The following ATRNL1 variants were observed in gnomAD, a reference collection of about 807,000 sequenced individuals.
ATRNL1 encodes the protein attractin-like protein 1.
Under a neutral mutation model 182.7 loss-of-function variants are expected in ATRNL1, and 95 were observed. The ratio of observed to expected loss-of-function variants is 0.52; its 90% CI spans 0.44 to 0.62. The LOEUF is 0.62. Among genes scored for constraint, ATRNL1 ranks in the 20% least tolerant of loss-of-function variants. The pLI is 0.00. For missense variants in ATRNL1, 1,471 were observed against 1,679.5 expected, an observed-to-expected ratio of 0.88 and a Z score of 2.17; for synonymous variants, 576 against 568.3, an observed-to-expected ratio of 1.01 and a Z score of -0.19.
intron 26 of ATRNL1, among the ~76,000 whole-genome samples, chr10:115,570,991 T>A (rs1387874124): frequency 1.3e-5 from 2 of 152,098 alleles, no homozygotes; most frequent in East Asian, 3.9e-4. Context: ...ATAGCTTATC[T>A]CTCCCCAACA....
At chr10:115,587,727 C>G (rs1466958318) in intron 26 of ATRNL1, among the ~76,000 whole-genome samples, 1 of 146,990 alleles carries the variant, frequency 6.8e-6, no homozygotes, top group Non-Finnish European at 1.5e-5. Context: ...TTCTGCCTCA[C>G]TCTCACTGGG....
At chr10:115,138,946 G>C (rs1037863558) in intron 5 of ATRNL1, among the ~76,000 whole-genome samples, 17 of 152,146 alleles carry the variant, frequency 1.1e-4, no homozygotes, top group African/African-American at 4.1e-4. Flanking sequence ...GTCATATCTT[G>C]AATGCTTTGC....
In ATRNL1 at chr10:115,810,766, G is replaced by A. The variant is rs782280191; in HGVS notation, c.3904-37111G>A. 9.8e-4 allele frequency among the ~76,000 whole-genome samples: 148 copies of A among 151,744 alleles called. 4 individuals are homozygous for A. The highest frequency in any genetic ancestry group is 3.8e-4 in the Non-Finnish European group (26 of 67,764). ...TCCAGGAATTTATTATTTTATCTAA[G>A]TTGTCAAATTTATTGGCAGTCTCTT... On this transcript the variant is annotated intron_variant, in intron 27 of 28. Transcript: ENST00000355044.
intron 15 of ATRNL1, among the ~76,000 whole-genome samples, chr10:115,288,248 A>G (rs148127516): frequency 7.2e-5 from 11 of 152,266 alleles, no homozygotes; most frequent in African/African-American, 2.2e-4. Flanking sequence ...AATGTCCAGT[A>G]GTGGGATTGC....
At chr10:115,126,009 A>G (rs1156833645) in intron 3 of ATRNL1, among the ~76,000 whole-genome samples, 1 of 152,166 alleles carries the variant, frequency 6.6e-6, no homozygotes, top group Non-Finnish European at 1.5e-5. Context: ...TCTTTTATTT[A>G]TTGTTTTTAA....
intron 21 of ATRNL1, among the ~76,000 whole-genome samples, chr10:115,429,550 T>C (rs1047761393): frequency 1.3e-5 from 2 of 152,190 alleles, no homozygotes; most frequent in Non-Finnish European, 2.9e-5. Flanking sequence ...TGAATAACTT[T>C]CTTTTACCTT....
chr10:115,504,769 T>A (rs1466988282), intron 24 of ATRNL1, among the ~76,000 whole-genome samples: 3 of 152,210 alleles, frequency 2.0e-5, no homozygotes, highest in Non-Finnish European at 4.4e-5. Context: ...TTTTTCATGA[T>A]AAAGTATTTG....
In ATRNL1 at chr10:115,808,628, G is replaced by A. The variant is rs150992312; in HGVS notation, c.3904-39249G>A. Among the ~76,000 whole-genome samples the A allele has an allele frequency of 1.5e-4, 23 of 152,200 alleles. No individual in the cohort carries two copies. In the East Asian group the frequency reaches 3.9e-3, roughly 26 times the overall value. ...AAACTGTTCTCAAAGGGGCGGCACCGCTATGCATTCCCACTAGCAATGTGC... is the reference window on the plus strand; with the variant it reads ...AAACTGTTCTCAAAGGGGCGGCACCACTATGCATTCCCACTAGCAATGTGC... On this transcript the variant is annotated intron_variant, in intron 27 of 28. Transcript: ENST00000355044.
intron 23 of ATRNL1, among the ~76,000 whole-genome samples, chr10:115,467,578 A>G (rs1475876632): frequency 1.3e-5 from 2 of 150,694 alleles, no homozygotes; most frequent in Non-Finnish European, 3.0e-5. Context: ...CAATTATTTG[A>G]TTCACTATTA....
chr10:115,600,263 A>G lies in ATRNL1; in HGVS notation c.3795+50727A>G, dbSNP rs531847369. On this transcript the variant is annotated intron_variant, in intron 26 of 28. Coordinates refer to ENST00000355044, the MANE Select transcript of ATRNL1 (RefSeq NM_207303.4). ...ATTTAAAAAAATTTAACTTGAGTAA[A>G]TGCCTAATAGTACAATTTCTGGATT... Among the ~76,000 whole-genome samples, 204 of 152,258 alleles carry G rather than the reference A, an allele frequency of 1.3e-3. 1 individual carries two copies. Among genetic ancestry groups the G allele is most frequent in the Non-Finnish European group, 2.5e-3 (168 of 67,994 alleles).
chr10:115,349,086 A>G (rs1554940536), intron 19 of ATRNL1, among the ~76,000 whole-genome samples: 3 of 152,168 alleles, frequency 2.0e-5, no homozygotes, highest in African/African-American at 7.2e-5. Context: ...TTTTATACCC[A>G]TTAACCATTT....
chr10:115,897,957 C>T (rs1555112914), intron 28 of ATRNL1, among the ~76,000 whole-genome samples: 1 of 151,276 alleles, frequency 6.6e-6, no homozygotes, highest in Non-Finnish European at 1.5e-5. Context: ...GACAGGGTCT[C>T]ACTCTGTTAC....
At chr10:115,866,390 A>G (rs561053722) in intron 28 of ATRNL1, among the ~76,000 whole-genome samples, 2 of 152,228 alleles carry the variant, frequency 1.3e-5, no homozygotes, top group African/African-American at 2.4e-5. Context: ...CAAAACAAAC[A>G]AAAACCACCA....
At chr10:115,934,256 G>A (rs782740945) in intron 28 of ATRNL1, among the ~76,000 whole-genome samples, 1 of 152,104 alleles carries the variant, frequency 6.6e-6, no homozygotes, top group Non-Finnish European at 1.5e-5. Flanking sequence ...AACAAACTTC[G>A]ATTTTGTTAA....
chr10:115,909,894 T>G (rs1017856782), intron 28 of ATRNL1, among the ~76,000 whole-genome samples: 23 of 152,146 alleles, frequency 1.5e-4, no homozygotes, highest in Middle Eastern at 3.4e-3. Context: ...ATAAAGTAAA[T>G]GGGATACCCA....
rs181295178 is a variant in ATRNL1, at chr10:115,383,758, T to G, written c.3176-10901T>G. Among the ~76,000 whole-genome samples the G allele has an allele frequency of 4.0e-3, 598 of 150,772 alleles. 2 individuals are homozygous for G. The highest frequency in any genetic ancestry group is 3.2e-3 in the Non-Finnish European group (211 of 66,942). On this transcript the variant is annotated intron_variant, in intron 19 of 28. Coordinates refer to ENST00000355044, the MANE Select transcript of ATRNL1 (RefSeq NM_207303.4). Reference sequence around the variant, plus strand: ...GTCATTTATAACAAATTATGCTACTTTACAAATTAAGATAATAAATATTTG... The same window carrying G: ...GTCATTTATAACAAATTATGCTACTGTACAAATTAAGATAATAAATATTTG...
chr10:115,690,128 T>C (rs1946343390), intron 26 of ATRNL1, among the ~76,000 whole-genome samples: 1 of 152,142 alleles, frequency 6.6e-6, no homozygotes, highest in East Asian at 1.9e-4. Context: ...TCTTGGCCTC[T>C]GAAAAGCATG....
intron 26 of ATRNL1, among the ~76,000 whole-genome samples, chr10:115,693,933 T>C (rs1347183290): frequency 6.6e-6 from 1 of 152,064 alleles, no homozygotes; most frequent in East Asian, 1.9e-4. Context: ...GTGCTAGGCA[T>C]AAGGGGCCAG....
intron 1 of ATRNL1, among the ~76,000 whole-genome samples, chr10:115,114,409 A>C (rs936457110): frequency 4.6e-5 from 7 of 152,196 alleles, no homozygotes; most frequent in Non-Finnish European, 8.8e-5. Flanking sequence ...TATTGAATCA[A>C]GAAGCTTCTA....
Sources: gnomAD v4.1 joint callset for allele counts (sites outside exome capture counted in the v4.1 genomes callset) on GRCh38, gnomAD v4.1.1 for gene constraint, MANE v1.5 for transcripts, NCBI Gene and HGNC (gene_info 2026-07-23, HGNC 2026-07-21) for gene names.